The following XG variants were observed in gnomAD, a reference collection of about 807,000 sequenced individuals.
XG encodes Xg glycoprotein (Xg blood group).
Under a neutral mutation model 25.7 loss-of-function variants are expected in XG, and 24 were observed. That is an observed-to-expected ratio of 0.93 (90% CI 0.68 to 1.31). XG has a LOEUF of 1.31. XG is among the 40% of genes most tolerant of loss of function. The probability of loss-of-function intolerance (pLI) is 0.00; values close to 1 mark genes in which losing one functional copy is unlikely to be tolerated. For synonymous variants in XG, 77 were observed against 69.2 expected (o/e 1.11, Z -0.56); for missense variants, 181 against 187.6 (o/e 0.96, Z 0.21).
intron 1 of XG, among the ~76,000 whole-genome samples, chrX:2,761,451 C>G (rs776051208): frequency 3.3e-5 from 5 of 151,898 alleles, no homozygotes; most frequent in African/African-American, 1.2e-4. Flanking sequence ...TGATAGCAGC[C>G]TGCAATGGAC....
Position 2,774,806 on chromosome X carries a change from G to A in XG, c.127+67G>A, listed in dbSNP as rs769760082. The A allele has an allele frequency of 5.0e-6, 8 of 1,592,066 alleles. No individual in the cohort carries two copies. In the East Asian group the frequency reaches 1.6e-4, roughly 31 times the overall value. ...TGAACTGATGCTTACGGAGGGGATG[G>A]TTGAGGATGTTTTACAGAACTGTGG... On this transcript the variant is annotated intron_variant, in intron 3 of 10. Transcript: ENST00000644266.
At chrX:2,773,162 A>G (rs951222351) in intron 2 of XG, among the ~76,000 whole-genome samples, 15 of 149,920 alleles carry the variant, frequency 1.0e-4, no homozygotes, top group Admixed American at 5.3e-4. Flanking sequence ...GAAAACAGGG[A>G]GGGAGGGAGG....
At chrX:2,794,768 A>T (rs2086868709) in intron 6 of XG, among the ~76,000 whole-genome samples, 165 bp downstream of exon 6, 1 of 112,163 alleles carries the variant, frequency 8.9e-6, no homozygotes, top group Non-Finnish European at 1.9e-5. Context: ...TGGCCGCATC[A>T]GTGGGGTTTG....
intron 1 of XG, among the ~76,000 whole-genome samples, chrX:2,764,370 G>A (rs979261665): frequency 7.2e-5 from 11 of 152,092 alleles, no homozygotes; most frequent in African/African-American, 2.4e-4. Context: ...TGGACTCGCC[G>A]CAAATTCTTT....
At chrX:2,758,819 CCTGT>C (rs1248823822) in intron 1 of XG, among the ~76,000 whole-genome samples, 4 of 152,156 alleles carry the variant, frequency 2.6e-5, no homozygotes, top group Non-Finnish European at 4.4e-5. Context: ...CATGAGAGAT[CCTGT>C]CTGTCTGTCT....
chrX:2,752,474 G>C, intron 1 of XG, 139 bp downstream of exon 1: 1 of 1,182,096 alleles, frequency 8.5e-7, no homozygotes, highest in Non-Finnish European at 1.2e-6. Context: ...GAGACTAAGA[G>C]CGATGGGTGG....
At chrX:2,753,701 G>A (rs1424266635) in intron 1 of XG, among the ~76,000 whole-genome samples, 1 of 151,846 alleles carries the variant, frequency 6.6e-6, no homozygotes, top group African/African-American at 2.4e-5. Context: ...TCCTGCCTCA[G>A]CATCTCAAGT....
chrX:2,789,889 G>A (rs1053133869), intron 5 of XG, among the ~76,000 whole-genome samples, 183 bp downstream of exon 5: 4 of 109,778 alleles, frequency 3.6e-5, no homozygotes, highest in African/African-American at 1.3e-4. Context: ...TGGAGACAGG[G>A]TCTCGCTCTG....
chrX:2,757,964 T>C (rs1435989766), intron 1 of XG, among the ~76,000 whole-genome samples: 4 of 96,334 alleles, frequency 4.2e-5, no homozygotes, highest in South Asian at 4.2e-4. Context: ...AGAGTAAGAC[T>C]CCATCTCAAA....
chrX:2,781,172 A>G (rs2051111874), intron 3 of XG, among the ~76,000 whole-genome samples: 2 of 149,032 alleles, frequency 1.3e-5, no homozygotes, highest in South Asian at 2.2e-4. Context: ...GAATGTAACA[A>G]AAGCCCACCG....
At chrX:2,769,211 C>T (rs1204831473) in intron 1 of XG, among the ~76,000 whole-genome samples, 1 of 152,216 alleles carries the variant, frequency 6.6e-6, no homozygotes, top group Non-Finnish European at 1.5e-5. Context: ...GAACCTTCCC[C>T]CAGAGCAAGC....
rs760200423 is a variant in XG at position 2,772,579 on chromosome X, G to A, written c.103+1988G>A. ...AGGGGACAAAAGGGAGGGACTGCTCGTGGCTATGGGGTCTCCTTTTGGGGG... is the reference window on the plus strand; with the variant it reads ...AGGGGACAAAAGGGAGGGACTGCTCATGGCTATGGGGTCTCCTTTTGGGGG... On this transcript the variant is annotated intron_variant, in intron 2 of 10. Coordinates refer to ENST00000644266, the MANE Select transcript of XG (RefSeq NM_001141919.2). Among the ~76,000 whole-genome samples the A allele has an allele frequency of 7.2e-5, 11 of 152,276 alleles. No homozygotes were observed. The South Asian group carries it at 1.5e-3, about 20-fold the overall frequency.
chrX:2,755,412 G>A, intron 1 of XG, among the ~76,000 whole-genome samples: 1 of 152,124 alleles, frequency 6.6e-6, no homozygotes, highest in East Asian at 1.9e-4. Flanking sequence ...GTAACACTGA[G>A]GACAACCAGA....
intron 1 of XG, among the ~76,000 whole-genome samples, chrX:2,753,329 G>A (rs2050371794): frequency 6.6e-6 from 1 of 152,110 alleles, no homozygotes; most frequent in Non-Finnish European, 1.5e-5. Context: ...CTGTTTACAG[G>A]GAGATGTTCA....
chrX:2,766,947 C>G (rs767455796), intron 1 of XG, among the ~76,000 whole-genome samples: 1 of 152,050 alleles, frequency 6.6e-6, no homozygotes, highest in East Asian at 1.9e-4. Context: ...GGGGGAAAGG[C>G]GTTCTTGTTT....
At chrX:2,755,890 TAAGAAAACAG>T (rs2050424665) in intron 1 of XG, among the ~76,000 whole-genome samples, 1 of 152,042 alleles carries the variant, frequency 6.6e-6, no homozygotes, top group South Asian at 2.1e-4. Flanking sequence ...ATGAAGTACT[TAAGAAAACAG>T]ATTATTGTTC....
chrX:2,799,536 C>T (rs1290448320), intron 7 of XG, among the ~76,000 whole-genome samples: 1 of 111,071 alleles, frequency 9.0e-6, no homozygotes, highest in Non-Finnish European at 1.9e-5. Context: ...AGGGAAAATG[C>T]AGGGAATCTG....
intron 4 of XG, among the ~76,000 whole-genome samples, chrX:2,782,964 C>T (rs1164267465): frequency 1.8e-5 from 2 of 111,583 alleles, no homozygotes; most frequent in East Asian, 2.8e-4. Flanking sequence ...TAGTTTGGCT[C>T]ACACCCAGGA....
chrX:2,788,898 G>A (rs1221471880), intron 4 of XG, among the ~76,000 whole-genome samples: 1 of 109,732 alleles, frequency 9.1e-6, no homozygotes, highest in African/African-American at 3.3e-5. Flanking sequence ...GTAAACTTGA[G>A]GAACATGCAA....
Sources: gnomAD v4.1 joint callset for allele counts (sites outside exome capture counted in the v4.1 genomes callset) on GRCh38, gnomAD v4.1.1 for gene constraint, MANE v1.5 for transcripts, NCBI Gene and HGNC (gene_info 2026-07-23, HGNC 2026-07-21) for gene names.